CCDC57: variants seen among roughly 807,000 people sequenced by gnomAD.
CCDC57 encodes coiled-coil domain-containing protein 57.
CCDC57 carries 118 observed loss-of-function variants against 118.9 expected under a neutral mutation model. The observed-to-expected ratio is 0.99, with a 90% CI of 0.86 to 1.16. The LOEUF is 1.16. Among genes scored for constraint, CCDC57 ranks in the 50% most tolerant of loss-of-function variants. CCDC57 has a pLI of 0.00. For synonymous variants in CCDC57, 527 were observed against 532.9 expected (o/e 0.99, Z 0.15); for missense variants, 1,300 against 1,320.7 (o/e 0.98, Z 0.24).
chr17:82,123,125 T>TC (rs1258661128), intron 19 of CCDC57, among the ~76,000 whole-genome samples: 1 of 138,934 alleles, frequency 7.2e-6, no homozygotes, highest in African/African-American at 2.9e-5. Context: ...CTAATAACTT[T>TC]TTTTTTTTTT....
At chr17:82,109,314 T>C (rs373111043) in intron 19 of CCDC57, among the ~76,000 whole-genome samples, 19 of 152,368 alleles carry the variant, frequency 1.2e-4, no homozygotes, top group African/African-American at 4.6e-4. Context: ...ACGAGGCGGC[T>C]GCGAGGCATA....
At chr17:82,142,850 A>G (rs1171349932) in intron 16 of CCDC57, among the ~76,000 whole-genome samples, 2 of 152,154 alleles carry the variant, frequency 1.3e-5, no homozygotes, top group Admixed American at 6.5e-5. Flanking sequence ...TCCCCCTAAC[A>G]AGTAGCTCGT....
At chr17:82,144,728 A>G (rs1472989174) in intron 16 of CCDC57, among the ~76,000 whole-genome samples, 1 of 152,240 alleles carries the variant, frequency 6.6e-6, no homozygotes, top group Non-Finnish European at 1.5e-5. Flanking sequence ...CTAATAAATT[A>G]AATGTAAATA....
intron 19 of CCDC57, among the ~76,000 whole-genome samples, chr17:82,121,747 C>G (rs1020832964): frequency 2.6e-5 from 4 of 152,228 alleles, no homozygotes; most frequent in African/African-American, 9.6e-5. Context: ...GCCGTGCATG[C>G]CGCCTGCTGA....
At chr17:82,111,325 TCTC>T (rs2035225338) in intron 19 of CCDC57, among the ~76,000 whole-genome samples, 1 of 752 alleles carries the variant, frequency 1.3e-3, no homozygotes. Context: ...ATGGTCTCGA[TCTC>T]CTGACCCTCG....
intron 14 of CCDC57, among the ~76,000 whole-genome samples, chr17:82,162,631 C>T (rs1459690309): frequency 1.5e-4 from 15 of 100,168 alleles, no homozygotes; most frequent in Admixed American, 5.0e-4. Flanking sequence ...CCCCTCTGAG[C>T]GGGCAGGTGG....
intron 17 of CCDC57, among the ~76,000 whole-genome samples, chr17:82,133,004 C>A (rs1446490690): frequency 6.6e-6 from 1 of 152,024 alleles, no homozygotes; most frequent in African/African-American, 2.4e-5. Context: ...ATGATCCACC[C>A]GCCTCGGCCT....
chr17:82,183,094 T>C (rs1158490363), intron 9 of CCDC57, among the ~76,000 whole-genome samples: 1 of 152,072 alleles, frequency 6.6e-6, no homozygotes, highest in Non-Finnish European at 1.5e-5. Context: ...CCTTGACACA[T>C]GGGGATTACA....
rs530518703 is a variant in CCDC57, at chr17:82,116,083, C to T, written c.2899+11609G>A. 8.9e-3 allele frequency among the ~76,000 whole-genome samples: 1,330 copies of T among 149,284 alleles called. 16 individuals are homozygous for T. Among genetic ancestry groups the T allele is most frequent in the African/African-American group, 0.031 (1,268 of 40,608 alleles). The stretch of plus-strand genomic sequence containing the variant: ...AAGTGCTGGGATTACAGGCGTGAGC[C>T]ACCGCGCCCGGCCACAACCTTTTTT... On this transcript the variant is annotated intron_variant, in intron 19 of 19. Transcript: ENST00000665763.
intron 19 of CCDC57, among the ~76,000 whole-genome samples, chr17:82,115,747 G>A (rs1381649987): frequency 6.7e-6 from 1 of 149,000 alleles, no homozygotes; most frequent in African/African-American, 2.5e-5. Context: ...CAGCCGGGGC[G>A]ACAGAGGGAG....
At chr17:82,203,688 C>G (rs769629527) in intron 2 of CCDC57, among the ~76,000 whole-genome samples, 9 of 152,122 alleles carry the variant, frequency 5.9e-5, no homozygotes, top group Non-Finnish European at 8.8e-5. Context: ...TTTAGAGGTC[C>G]AAGTATGAGC....
At chr17:82,150,807 ACC>A (rs764813789) in intron 16 of CCDC57, among the ~76,000 whole-genome samples, 1 of 115,130 alleles carries the variant, frequency 8.7e-6, no homozygotes. Context: ...CCTGACCCAC[ACC>A]CAGAACCAGG....
chr17:82,184,067 A>ACACACACACC, intron 8 of CCDC57, 135 bp from the exon 8 acceptor site: 1 of 587,874 alleles, frequency 1.7e-6, no homozygotes, highest in Non-Finnish European at 3.0e-6. Context: ...ACACACACAC[A>ACACACACACC]CACACACACA....
chr17:82,107,166 A>C (rs2034912651), intron 19 of CCDC57, among the ~76,000 whole-genome samples: 1 of 152,234 alleles, frequency 6.6e-6, no homozygotes, highest in Non-Finnish European at 1.5e-5. Context: ...ATGCCTGGCC[A>C]AAGGCCTCTC....
At chr17:82,199,833 T>C (rs1328952857) in intron 3 of CCDC57, among the ~76,000 whole-genome samples, 1 of 152,042 alleles carries the variant, frequency 6.6e-6, no homozygotes, top group Non-Finnish European at 1.5e-5. Context: ...CCCTGGACAC[T>C]GGGCAGGTGG....
intron 8 of CCDC57, 97 bp from the exon 8 acceptor site, chr17:82,184,029 G>GCACACACACACACACA (rs1216297514): frequency 6.4e-4 from 153 of 238,888 alleles, no homozygotes; most frequent in East Asian, 3.3e-3. Context: ...GCGCGCGCGC[G>GCACACACACACACACA]CGCACACACA....
At chr17:82,179,052 T>G in exon 10 of CCDC57, 1 of 1,613,936 alleles carries the variant, frequency 6.2e-7, no homozygotes, top group Non-Finnish European at 8.5e-7. Flanking sequence ...GCTCAGACCC[T>G]GAATCAGGGC....
exon 19 of CCDC57, chr17:82,127,782 A>T (rs1310064936): frequency 6.2e-7 from 1 of 1,612,782 alleles, no homozygotes; most frequent in South Asian, 1.1e-5. Flanking sequence ...CCACTGGCAA[A>T]GGAGGAGGAG....
intron 7 of CCDC57, among the ~76,000 whole-genome samples, chr17:82,188,850 C>A (rs1307740405): frequency 6.6e-6 from 1 of 152,270 alleles, no homozygotes; most frequent in Non-Finnish European, 1.5e-5. Flanking sequence ...CAATTAGAGG[C>A]AAAGTCTTGC....
Sources: gnomAD v4.1 joint callset for allele counts (sites outside exome capture counted in the v4.1 genomes callset) on GRCh38, gnomAD v4.1.1 for gene constraint, MANE v1.5 for transcripts, NCBI Gene and HGNC (gene_info 2026-07-23, HGNC 2026-07-21) for gene names.